The following COL25A1 variants were observed in gnomAD, a reference collection of about 807,000 sequenced individuals.
COL25A1 encodes collagen alpha-1(XXV) chain.
A neutral mutation model predicts 128.4 loss-of-function variants in COL25A1; 103 were observed. That is an observed-to-expected ratio of 0.80 (90% CI 0.68 to 0.94). COL25A1 has a LOEUF of 0.94. Ranked by LOEUF, COL25A1 falls within the 40% of genes least tolerant of loss-of-function variation. COL25A1 has a pLI of 0.00. For missense variants in COL25A1, 745 were observed against 840.0 expected (o/e 0.89, Z 1.40); for synonymous variants, 279 against 277.2 (o/e 1.01, Z -0.06).
At chr4:109,092,319 T>C (rs1764986666) in intron 3 of COL25A1, among the ~76,000 whole-genome samples, 1 of 152,150 alleles carries the variant, frequency 6.6e-6, no homozygotes, top group Non-Finnish European at 1.5e-5. Flanking sequence ...CTACAAAAGT[T>C]CTTTTTAAAA....
At chr4:109,206,616 C>G (rs1363073142) in intron 3 of COL25A1, among the ~76,000 whole-genome samples, 1 of 152,144 alleles carries the variant, frequency 6.6e-6, no homozygotes, top group Admixed American at 6.6e-5. Flanking sequence ...GGGGTAGGTC[C>G]AGATGCTGCT....
intron 3 of COL25A1, among the ~76,000 whole-genome samples, chr4:109,201,446 A>C (rs1200396471): frequency 1.9e-4 from 29 of 152,218 alleles, no homozygotes; most frequent in Admixed American, 1.9e-3. Context: ...ACACCTATTC[A>C]TTATAAAAAC....
intron 11 of COL25A1, among the ~76,000 whole-genome samples, chr4:108,933,061 G>A (rs1246124469): frequency 6.6e-6 from 1 of 152,206 alleles, no homozygotes; most frequent in East Asian, 1.9e-4. Context: ...GTGGAACTGC[G>A]TGAGCTGCAG....
intron 19 of COL25A1, 46 bp from the exon 20 acceptor site, chr4:108,869,196 A>T: frequency 1.4e-6 from 1 of 716,168 alleles, no homozygotes; most frequent in Non-Finnish European, 2.1e-6. Context: ...TTGACAATAA[A>T]TAAATAAATA....
intron 3 of COL25A1, among the ~76,000 whole-genome samples, chr4:109,089,811 G>T (rs1270373742): frequency 2.0e-5 from 3 of 152,002 alleles, no homozygotes; most frequent in Non-Finnish European, 4.4e-5. Flanking sequence ...TTGCCATGCT[G>T]CCCAGATTTG....
In COL25A1 at chr4:108,858,092, G is replaced by C. The variant is rs187280859; in HGVS notation, c.1320+1564C>G. ...GGATATGATAACAATGATTATATCA[G>C]GGGGAATTCTGCTGTGGAGAAATGA... On this transcript the variant is annotated intron_variant, in intron 24 of 37. Transcript: ENST00000399132. Among the ~76,000 whole-genome samples, 767 of 152,200 alleles carry C rather than the reference G, an allele frequency of 5.0e-3. 4 individuals are homozygous for C. Among genetic ancestry groups the C allele is most frequent in the African/African-American group, 0.017 (725 of 41,528 alleles).
At chr4:109,111,631 T>A (rs181151413) in intron 3 of COL25A1, among the ~76,000 whole-genome samples, 18 of 152,302 alleles carry the variant, frequency 1.2e-4, no homozygotes, top group Admixed American at 1.1e-3. Flanking sequence ...CTGGTAAAAT[T>A]CATCTCAGCT....
chr4:108,824,485 T>A (rs1344853123), intron 34 of COL25A1, among the ~76,000 whole-genome samples: 1 of 152,222 alleles, frequency 6.6e-6, no homozygotes, highest in Non-Finnish European at 1.5e-5. Context: ...TAGTTTGAAT[T>A]CTGGCAAGTT....
rs755485561 is a variant in COL25A1, at chr4:108,845,244, T to C, written c.1523A>G (p.Asn508Ser). The change falls in exon 29 of 38, where the codon AAT (asparagine) becomes AGT (serine). Residue 508 changes from asparagine (N) to serine (S), a missense_variant. Around this residue, in one of 3 missense-constraint regions of COL25A1, gnomAD observed 387 missense variants for 441.9 expected, o/e 0.88. Transcript: ENST00000399132. ...GIGLPGLPGA[N>S]GMKGEKGDSG... The stretch of plus-strand genomic sequence containing the variant: ...ATCTCCTTTTTCTCCTTTCATTCCA[T>C]TGGCTCCCTATAAATAACCATTAAG... 5.6e-6 allele frequency: 9 copies of C among 1,613,440 alleles called. No individual in the cohort carries two copies. Among genetic ancestry groups the C allele is most frequent in the Non-Finnish European group, 6.8e-6 (8 of 1,179,474 alleles).
chr4:109,253,331 G>A (rs542772762), intron 3 of COL25A1, among the ~76,000 whole-genome samples: 15 of 152,278 alleles, frequency 9.9e-5, no homozygotes, highest in Middle Eastern at 3.4e-3. Flanking sequence ...TCCAACCTGA[G>A]TCCTAAGGCC....
chr4:108,832,640 A>G (rs534148880), intron 31 of COL25A1: 28 of 461,468 alleles, frequency 6.1e-5, no homozygotes, highest in African/African-American at 5.2e-4. Context: ...TGCATGTTTC[A>G]ATGAAAGGCA....
intron 5 of COL25A1, among the ~76,000 whole-genome samples, chr4:109,010,580 A>T (rs1756478820): frequency 6.6e-6 from 1 of 152,160 alleles, no homozygotes; most frequent in Non-Finnish European, 1.5e-5. Context: ...TAAAATCCTG[A>T]TATTATAGTC....
At chr4:108,822,046 T>TG (rs1731831435) in intron 35 of COL25A1, among the ~76,000 whole-genome samples, 1 of 50,858 alleles carries the variant, frequency 2.0e-5, no homozygotes, top group Non-Finnish European at 4.5e-5. Context: ...AATGGTAATT[T>TG]TTTTTTTTTT....
chr4:109,207,208 C>T (rs967514263), intron 3 of COL25A1, among the ~76,000 whole-genome samples: 4 of 152,118 alleles, frequency 2.6e-5, no homozygotes, highest in Non-Finnish European at 5.9e-5. Context: ...TTTTAGGAAG[C>T]TGCCAAACAA....
At chr4:109,227,648 T>C (rs1167074162) in intron 3 of COL25A1, among the ~76,000 whole-genome samples, 2 of 151,804 alleles carry the variant, frequency 1.3e-5, no homozygotes, top group African/African-American at 4.9e-5. Flanking sequence ...CTCATACACT[T>C]ATCACAGCCT....
intron 13 of COL25A1, among the ~76,000 whole-genome samples, chr4:108,911,559 A>G (rs1197027563): frequency 1.3e-5 from 2 of 152,194 alleles, no homozygotes; most frequent in East Asian, 3.8e-4. Context: ...GGTGCCTCAC[A>G]CTTAGTGAGG....
At position 108,940,653 on chromosome 4, in the gene COL25A1, T is replaced by C. The variant is rs373587535; in HGVS notation, c.565-7A>G. ...CTGCCTGTCCTTGGTCACCCTGTGA[T>C]GGAGAAGGGAACAGACCAGCAATAA... On this transcript the variant is annotated splice_region_variant and splice_polypyrimidine_tract_variant and intron_variant, in intron 9 of 37. Coordinates refer to ENST00000399132, the MANE Select transcript of COL25A1 (RefSeq NM_198721.4). The C allele has an allele frequency of 1.3e-6, 2 of 1,571,166 alleles. No homozygotes were observed. Among genetic ancestry groups the C allele is most frequent in the Non-Finnish European group, 1.7e-6 (2 of 1,157,548 alleles).
At chr4:108,923,136 C>A (rs1164805367) in intron 11 of COL25A1, among the ~76,000 whole-genome samples, 2 of 152,078 alleles carry the variant, frequency 1.3e-5, no homozygotes, top group African/African-American at 2.4e-5. Flanking sequence ...ATTAATAATA[C>A]CATTATGTAT....
chr4:108,954,380 A>G (rs1749813415), intron 8 of COL25A1, among the ~76,000 whole-genome samples: 1 of 152,144 alleles, frequency 6.6e-6, no homozygotes, highest in Non-Finnish European at 1.5e-5. Context: ...ATCACATGCT[A>G]TCATGTTTAT....
Sources: gnomAD v4.1 joint callset for allele counts (sites outside exome capture counted in the v4.1 genomes callset) on GRCh38, gnomAD v4.1.1 for gene constraint, gnomAD v4.1.1 regional missense constraint, MANE v1.5 for transcripts, NCBI Gene and HGNC (gene_info 2026-07-23, HGNC 2026-07-21) for gene names.